Variants in RAVER2 observed in about 807,000 individuals in gnomAD.
The protein encoded by RAVER2 is ribonucleoprotein, PTB binding 2.
Under a neutral mutation model 78.1 loss-of-function variants are expected in RAVER2, and 46 were observed. The ratio of observed to expected loss-of-function variants is 0.59; its 90% CI spans 0.46 to 0.75. The LOEUF is 0.75. RAVER2 is among the 30% of genes least tolerant of loss of function. The probability of loss-of-function intolerance (pLI) is 0.00; values close to 1 mark genes in which losing one functional copy is unlikely to be tolerated. For synonymous variants in RAVER2, 311 were observed against 313.3 expected, an observed-to-expected ratio of 0.99 and a Z score of 0.08; for missense variants, 793 against 837.5, an observed-to-expected ratio of 0.95 and a Z score of 0.66.
At chr1:64,748,471 A>C (rs1651604895) in intron 1 of RAVER2, among the ~76,000 whole-genome samples, 1 of 152,262 alleles carries the variant, frequency 6.6e-6, no homozygotes, top group South Asian at 2.1e-4. Flanking sequence ...CTTTGGCTGC[A>C]CGTCCTCTCA....
At chr1:64,777,828 C>G in exon 3 of RAVER2, 1 of 1,613,942 alleles carries the variant, frequency 6.2e-7, no homozygotes, top group Non-Finnish European at 8.5e-7. Flanking sequence ...GTTTTCTGGT[C>G]TATAGTGAAG....
At chr1:64,757,790 A>G (rs2100809272) in intron 1 of RAVER2, among the ~76,000 whole-genome samples, 1 of 152,324 alleles carries the variant, frequency 6.6e-6, no homozygotes, top group Non-Finnish European at 1.5e-5. Context: ...CACACACACA[A>G]ACACTTATAT....
intron 4 of RAVER2, among the ~76,000 whole-genome samples, chr1:64,784,295 C>T (rs562057060): frequency 3.3e-5 from 5 of 152,114 alleles, no homozygotes; most frequent in South Asian, 4.1e-4. Flanking sequence ...GAGAATAACC[C>T]GAGCCCAGGA....
intron 9 of RAVER2, among the ~76,000 whole-genome samples, chr1:64,810,602 C>T (rs539741452): frequency 6.6e-6 from 1 of 152,140 alleles, no homozygotes; most frequent in African/African-American, 2.4e-5. Flanking sequence ...ACATTCAGTT[C>T]GTAGTGATAG....
intron 1 of RAVER2, among the ~76,000 whole-genome samples, chr1:64,753,526 T>C (rs1001463416): frequency 8.8e-5 from 10 of 114,264 alleles, no homozygotes; most frequent in African/African-American, 3.2e-4. Context: ...TAGAATTCTT[T>C]TTTTTTTTTT....
intron 1 of RAVER2, among the ~76,000 whole-genome samples, chr1:64,766,278 T>C (rs1038990035): frequency 2.8e-4 from 43 of 152,190 alleles, no homozygotes; most frequent in African/African-American, 1.0e-3. Flanking sequence ...GCTAAGTTAG[T>C]ATAGGGAGGC....
At chr1:64,781,682 A>G (rs554887389) in intron 4 of RAVER2, 111 bp downstream of exon 4, 2 of 1,041,276 alleles carry the variant, frequency 1.9e-6, no homozygotes, top group South Asian at 4.9e-5. Context: ...CCATCATTGC[A>G]TTTCCATCAC....
rs1347361196 is a variant in RAVER2, at chr1:64,745,249, C to T, written c.77C>T (p.Pro26Leu). Reference sequence around the variant, plus strand: ...AGCGCGGCGGGGCTGGGGCCGGGGCCGGGGCTGCGCGGGCAGGGCCCCTCA... The same window carrying T: ...AGCGCGGCGGGGCTGGGGCCGGGGCTGGGGCTGCGCGGGCAGGGCCCCTCA... Residue 26 changes from proline (P) to leucine (L), a missense_variant, in exon 1 of 12, where the codon CCG becomes CTG. Transcript: ENST00000294428. The surrounding 1 kb of genome is among the most constrained non-coding windows in gnomAD (Gnocchi z 4.3). 10 of 1,199,218 alleles carry T rather than the reference C, an allele frequency of 8.3e-6. No homozygotes were observed. Among genetic ancestry groups the T allele is most frequent in the Non-Finnish European group, 8.3e-6 (8 of 959,752 alleles). 74.3% of individuals were successfully genotyped at this position (1,199,218 alleles called of 1,614,324 possible).
intron 1 of RAVER2, among the ~76,000 whole-genome samples, chr1:64,757,092 A>T (rs920526138): frequency 1.3e-5 from 2 of 152,202 alleles, no homozygotes; most frequent in African/African-American, 4.8e-5. Context: ...TATTCTTTGG[A>T]AATAATACAT....
intron 9 of RAVER2, among the ~76,000 whole-genome samples, chr1:64,808,077 T>A (rs1653495838): frequency 6.6e-6 from 1 of 152,174 alleles, no homozygotes; most frequent in African/African-American, 2.4e-5. Flanking sequence ...AGAACCAATT[T>A]TATCCGGAAA....
intron 2 of RAVER2, among the ~76,000 whole-genome samples, chr1:64,770,703 G>C (rs1478033707): frequency 6.6e-6 from 1 of 151,926 alleles, no homozygotes; most frequent in Middle Eastern, 3.2e-3. Context: ...TATATAGTAA[G>C]TTATAGTAAA....
intron 4 of RAVER2, among the ~76,000 whole-genome samples, chr1:64,786,826 T>G (rs2100845810): frequency 6.6e-6 from 1 of 152,276 alleles, no homozygotes; most frequent in South Asian, 2.1e-4. Flanking sequence ...TGTTTTTTAG[T>G]CACATATATT....
chr1:64,831,954 T>G (rs1278503192), exon 12 of RAVER2: 2 of 152,172 alleles, frequency 1.3e-5, no homozygotes, highest in Admixed American at 6.5e-5. Flanking sequence ...TGGCCTAAAA[T>G]TTCAAGTATC....
intron 11 of RAVER2, among the ~76,000 whole-genome samples, chr1:64,817,008 A>T (rs1374299216): frequency 2.6e-5 from 4 of 152,248 alleles, no homozygotes; most frequent in Non-Finnish European, 4.4e-5. Flanking sequence ...TACTCATCTG[A>T]CAAAGGGCTA....
intron 1 of RAVER2, among the ~76,000 whole-genome samples, chr1:64,758,109 A>T (rs563584330): frequency 6.6e-6 from 1 of 152,154 alleles, no homozygotes; most frequent in Non-Finnish European, 1.5e-5. Flanking sequence ...GGCTTCCTTC[A>T]TGTACAGTGC....
chr1:64,789,137 C>T (rs1652865618), intron 4 of RAVER2, among the ~76,000 whole-genome samples: 1 of 152,164 alleles, frequency 6.6e-6, no homozygotes, highest in African/African-American at 2.4e-5. Flanking sequence ...TGATGAGACT[C>T]ATTGTGCTAA....
chr1:64,789,952 T>C (rs1229603012), intron 5 of RAVER2, among the ~76,000 whole-genome samples: 1 of 152,222 alleles, frequency 6.6e-6, no homozygotes, highest in Admixed American at 6.5e-5. Context: ...TAAAATTGTT[T>C]CACTTTGTAG....
At chr1:64,767,727 A>G (rs940130096) in intron 1 of RAVER2, among the ~76,000 whole-genome samples, 1 of 152,042 alleles carries the variant, frequency 6.6e-6, no homozygotes, top group Non-Finnish European at 1.5e-5. Flanking sequence ...TATTGATTTA[A>G]CAACGAAACA....
At chr1:64,803,001 G>A (rs1391053147) in exon 6 of RAVER2, 1 of 1,609,536 alleles carries the variant, frequency 6.2e-7, no homozygotes, top group South Asian at 1.1e-5. Context: ...CTCACAGCTT[G>A]CCACATCTGA....
Sources: gnomAD v4.1 joint callset for allele counts (sites outside exome capture counted in the v4.1 genomes callset) on GRCh38, gnomAD v4.1.1 for gene constraint, Gnocchi (gnomAD v3.1) non-coding constraint, MANE v1.5 for transcripts, NCBI Gene and HGNC (gene_info 2026-07-23, HGNC 2026-07-21) for gene names.